ADD3: variants seen among roughly 807,000 people sequenced by gnomAD.
The protein encoded by ADD3 is adducin 3, also known as gamma-adducin.
ADD3 carries 25 observed loss-of-function variants against 80.2 expected under a neutral mutation model. The ratio of observed to expected loss-of-function variants is 0.31; its 90% CI spans 0.23 to 0.44. The LOEUF (loss-of-function observed/expected upper bound fraction) is 0.44, where lower values mean the gene tolerates loss of function less well. Among genes scored for constraint, ADD3 ranks in the 20% least tolerant of loss-of-function variants. The probability of loss-of-function intolerance (pLI) is 1.00; values close to 1 mark genes in which losing one functional copy is unlikely to be tolerated. For synonymous variants in ADD3, 284 were observed against 289.6 expected (o/e 0.98, Z 0.20); for missense variants, 829 against 847.5 (o/e 0.98, Z 0.27).
chr10:110,081,165 T>G (rs1209666114), intron 1 of ADD3, among the ~76,000 whole-genome samples: 3 of 152,234 alleles, frequency 2.0e-5, no homozygotes, highest in Non-Finnish European at 4.4e-5. Context: ...TTAATATACC[T>G]TGAATATACT....
At chr10:110,036,409 T>G (rs1181369717) in intron 1 of ADD3, among the ~76,000 whole-genome samples, 2 of 144,888 alleles carry the variant, frequency 1.4e-5, no homozygotes, top group South Asian at 2.4e-4. Flanking sequence ...GAGACGAGTC[T>G]TGCTCTGTCG....
At chr10:110,080,536 TCC>T (rs1845948078) in intron 1 of ADD3, among the ~76,000 whole-genome samples, 1 of 152,226 alleles carries the variant, frequency 6.6e-6, no homozygotes, top group African/African-American at 2.4e-5. Context: ...ACATAAACTA[TCC>T]TTTTCTCAAA....
intron 14 of ADD3, among the ~76,000 whole-genome samples, chr10:110,132,978 C>T (rs570615471): frequency 3.3e-5 from 5 of 149,604 alleles, no homozygotes; most frequent in African/African-American, 1.2e-4. Flanking sequence ...TCCCAATCAG[C>T]AGCATGAAAT....
At chr10:110,042,347 G>A (rs1355953796) in intron 1 of ADD3, among the ~76,000 whole-genome samples, 1 of 152,140 alleles carries the variant, frequency 6.6e-6, no homozygotes, top group African/African-American at 2.4e-5. Context: ...TGGTAGTAAG[G>A]CAGCCAGGAG....
intron 1 of ADD3, among the ~76,000 whole-genome samples, chr10:110,020,366 AG>A (rs746092961): frequency 4.6e-5 from 7 of 152,198 alleles, no homozygotes; most frequent in Non-Finnish European, 8.8e-5. Context: ...AGAGCAGGGA[AG>A]GGAAACTAAG....
At chr10:110,063,756 T>A (rs1298635344) in intron 1 of ADD3, among the ~76,000 whole-genome samples, 1 of 65,436 alleles carries the variant, frequency 1.5e-5, no homozygotes, top group Non-Finnish European at 3.4e-5. Flanking sequence ...TATATATATA[T>A]ATATATATAT....
chr10:110,117,142 G>A (rs1243211294), intron 4 of ADD3, among the ~76,000 whole-genome samples, 200 bp from the exon 5 acceptor site: 2 of 151,900 alleles, frequency 1.3e-5, no homozygotes, highest in East Asian at 3.9e-4. Context: ...CAGTAAATAA[G>A]AAACTAAAGT....
intron 2 of ADD3, chr10:110,112,095 A>G (rs1319782573): frequency 1.3e-5 from 2 of 151,974 alleles, no homozygotes; most frequent in African/African-American, 4.8e-5. Context: ...TCTGTATTCA[A>G]AGTTGTGCCC....
At chr10:110,044,288 A>AG (rs1856686190) in intron 1 of ADD3, among the ~76,000 whole-genome samples, 1 of 152,216 alleles carries the variant, frequency 6.6e-6, no homozygotes. Context: ...TGATTATATT[A>AG]GGACAGCTTA....
chr10:110,106,312 T>C (rs1310892137), intron 2 of ADD3, among the ~76,000 whole-genome samples: 2 of 151,996 alleles, frequency 1.3e-5, no homozygotes, highest in Admixed American at 1.3e-4. Flanking sequence ...AGTTTTTTTT[T>C]TTTAAGCATT....
At chr10:110,009,364 T>A (rs952310168) in intron 1 of ADD3, among the ~76,000 whole-genome samples, 1 of 152,208 alleles carries the variant, frequency 6.6e-6, no homozygotes, top group African/African-American at 2.4e-5. Flanking sequence ...GGCTTCTGAC[T>A]ACATAGTGCA....
chr10:110,039,204 C>T (rs1856003158), intron 1 of ADD3, among the ~76,000 whole-genome samples: 5 of 151,834 alleles, frequency 3.3e-5, no homozygotes, highest in Non-Finnish European at 4.4e-5. Context: ...CCAGAGTAAT[C>T]ATGTTGTTGC....
chr10:110,007,458 G>C (rs1851734983), upstream of ADD3, among the ~76,000 whole-genome samples: 1 of 152,230 alleles, frequency 6.6e-6, no homozygotes, highest in Non-Finnish European at 1.5e-5. Flanking sequence ...ACTCAAAGCG[G>C]CGGCTCAGCC....
chr10:110,111,733 T>C (rs1241692872), intron 2 of ADD3, among the ~76,000 whole-genome samples: 2 of 152,086 alleles, frequency 1.3e-5, no homozygotes, highest in Non-Finnish European at 2.9e-5. Flanking sequence ...CTGACCAACA[T>C]AGAGAAACCC....
upstream of ADD3, among the ~76,000 whole-genome samples, chr10:110,002,070 A>G (rs766601964): frequency 6.6e-6 from 1 of 152,090 alleles, no homozygotes; most frequent in African/African-American, 2.4e-5. Flanking sequence ...AAGTGGGCAG[A>G]TCGCTCGAGG....
At position 110,100,063 on chromosome 10, in the gene ADD3, G is replaced by T. The variant is rs138065759; in HGVS notation, c.-29-562G>T. Among the ~76,000 whole-genome samples the T allele has an allele frequency of 4.7e-3, 713 of 151,746 alleles. 4 individuals carry two copies. The highest frequency in any genetic ancestry group is 0.016 in the African/African-American group (675 of 41,440). On this transcript the variant is annotated intron_variant, in intron 1 of 14. Transcript: ENST00000356080. ...AGGCCAAGGCAGGAGGATCACTTCA[G>T]CCCAGCTGGGCACAGTGGCTCATGC...
intron 1 of ADD3, among the ~76,000 whole-genome samples, chr10:110,022,570 C>T (rs765632123): frequency 1.4e-4 from 22 of 151,986 alleles, no homozygotes; most frequent in Non-Finnish European, 2.9e-4. Flanking sequence ...AAACAGTGGT[C>T]CATATTATTT....
intron 1 of ADD3, among the ~76,000 whole-genome samples, chr10:110,046,810 A>G (rs1353356241): frequency 6.6e-6 from 1 of 152,222 alleles, no homozygotes; most frequent in Admixed American, 6.5e-5. Flanking sequence ...GTAGCTGCTA[A>G]TCAAGCACAA....
intron 1 of ADD3, among the ~76,000 whole-genome samples, chr10:110,054,815 C>T (rs978572571): frequency 2.0e-5 from 3 of 151,976 alleles, no homozygotes; most frequent in Non-Finnish European, 2.9e-5. Context: ...AGGGTTTCAC[C>T]GTGTTAGCCA....
Sources: gnomAD v4.1 joint callset for allele counts (sites outside exome capture counted in the v4.1 genomes callset) on GRCh38, gnomAD v4.1.1 for gene constraint, MANE v1.5 for transcripts, NCBI Gene and HGNC (gene_info 2026-07-23, HGNC 2026-07-21) for gene names.